HNRNPUL1: variants seen among roughly 807,000 people sequenced by gnomAD.
HNRNPUL1 encodes the protein heterogeneous nuclear ribonucleoprotein U like 1, also known as heterogeneous nuclear ribonucleoprotein U-like protein 1.
A neutral mutation model predicts 108.5 loss-of-function variants in HNRNPUL1; 14 were observed. The observed-to-expected ratio is 0.13, with a 90% confidence interval of 0.09 to 0.20. The LOEUF (loss-of-function observed/expected upper bound fraction) is 0.20. Among genes scored for constraint, HNRNPUL1 ranks in the 10% least tolerant of loss-of-function variants. HNRNPUL1 has a pLI of 1.00. For synonymous variants in HNRNPUL1, 422 were observed against 445.2 expected, an observed-to-expected ratio of 0.95 and a Z score of 0.66; for missense variants, 804 against 1,168.3, an observed-to-expected ratio of 0.69 and a Z score of 4.55.
intron 13 of HNRNPUL1, among the ~76,000 whole-genome samples, chr19:41,305,425 C>A (rs1026629375): frequency 2.0e-5 from 3 of 152,198 alleles, no homozygotes; most frequent in African/African-American, 7.2e-5. Flanking sequence ...GTGCCGTGTA[C>A]CTTGCTCCCT....
rs548910950 is a variant in HNRNPUL1 at position 41,306,617 on chromosome 19, G to A, written c.*52G>A. The A allele has an allele frequency of 4.1e-5, 48 of 1,161,090 alleles. No homozygotes were observed. In the East Asian group the frequency reaches 8.6e-4, roughly 21 times the overall value. The allele number at this position is 1,161,090 out of a possible 1,614,324, so 71.9% of individuals were successfully genotyped here. ...GCCCCTGCCGGCTTCCTCCACCAGC[G>A]CCTGCCTCGGCCCCTCCTCTGCCCC... On this transcript the variant is annotated 3_prime_UTR_variant, in exon 15 of 15. Coordinates refer to ENST00000392006, the MANE Select transcript of HNRNPUL1 (RefSeq NM_007040.6).
chr19:41,264,887 G>A, intron 1 of HNRNPUL1, 89 bp downstream of exon 1: 1 of 1,343,332 alleles, frequency 7.4e-7, no homozygotes, highest in Non-Finnish European at 9.5e-7. Context: ...CCTGAGGTCG[G>A]GGAGACGACC....
At chr19:41,282,916 G>C (rs958632777) in intron 7 of HNRNPUL1, among the ~76,000 whole-genome samples, 1 of 150,610 alleles carries the variant, frequency 6.6e-6, no homozygotes, top group African/African-American at 2.4e-5. Context: ...GGATGGTCTC[G>C]ATCTCCTGAC....
At chr19:41,303,323 G>T (rs1393163505) in intron 12 of HNRNPUL1, among the ~76,000 whole-genome samples, 1 of 151,624 alleles carries the variant, frequency 6.6e-6, no homozygotes, top group African/African-American at 2.4e-5. Context: ...CTCGTTCATG[G>T]CTGTCACCAG....
intron 10 of HNRNPUL1, among the ~76,000 whole-genome samples, chr19:41,298,221 T>C (rs778093975): frequency 2.0e-5 from 3 of 152,132 alleles, no homozygotes; most frequent in Admixed American, 1.3e-4. Context: ...CAGACTGTTA[T>C]ACACCAAAAC....
At chr19:41,299,691 G>A (rs1568456789) in intron 10 of HNRNPUL1, among the ~76,000 whole-genome samples, 1 of 152,088 alleles carries the variant, frequency 6.6e-6, no homozygotes, top group Non-Finnish European at 1.5e-5. Flanking sequence ...TTGGGGACTT[G>A]TCTGAGTCTC....
At chr19:41,264,099 T>C (rs1454992189), upstream of HNRNPUL1, among the ~76,000 whole-genome samples, 5 of 152,208 alleles carry the variant, frequency 3.3e-5, no homozygotes, top group African/African-American at 2.4e-5. Context: ...CTTATTTTCA[T>C]TGGACCTTAC....
chr19:41,273,585 C>T (rs1028764022), intron 3 of HNRNPUL1, among the ~76,000 whole-genome samples: 2 of 152,216 alleles, frequency 1.3e-5, no homozygotes, highest in African/African-American at 4.8e-5. Flanking sequence ...TATATAGGCT[C>T]TTGCACATTC....
At position 41,275,109 on chromosome 19, in the gene HNRNPUL1, G is replaced by A. The variant is rs142693569; in HGVS notation, c.647-1050G>A. On this transcript the variant is annotated intron_variant, in intron 4 of 14. Transcript: ENST00000392006. ...GTAGGAGAGTCCTAGGCCCATGAAA[G>A]GAATTAGGAGCCTATGGGGCACCTG... Among the ~76,000 whole-genome samples, 226 of 152,270 alleles carry A rather than the reference G, an allele frequency of 1.5e-3. 1 individual carries two copies. Among genetic ancestry groups the A allele is most frequent in the African/African-American group, 5.3e-3 (221 of 41,550 alleles).
At chr19:41,280,993 C>T (rs2035866928) in intron 6 of HNRNPUL1, 170 bp from the exon 7 acceptor site, 6 of 570,000 alleles carry the variant, frequency 1.1e-5, no homozygotes, top group South Asian at 1.0e-4. Flanking sequence ...AGTTCTACAT[C>T]ATTAAGGGCT....
At chr19:41,296,336 A>G (rs2036894221) in intron 10 of HNRNPUL1, among the ~76,000 whole-genome samples, 1 of 152,204 alleles carries the variant, frequency 6.6e-6, no homozygotes, top group South Asian at 2.1e-4. Flanking sequence ...TGGCTTGTTC[A>G]GGGACAGGGT....
chr19:41,289,721 T>TC (rs2036470400), intron 7 of HNRNPUL1, among the ~76,000 whole-genome samples: 1 of 149,866 alleles, frequency 6.7e-6, no homozygotes, highest in Non-Finnish European at 1.5e-5. Context: ...GTCTTTTTTT[T>TC]TTTTTTTTTT....
intron 7 of HNRNPUL1, among the ~76,000 whole-genome samples, chr19:41,288,349 G>A (rs113305393): frequency 0.054 from 8,240 of 151,946 alleles, 279 homozygotes; most frequent in South Asian, 0.099. Flanking sequence ...AGATTCAAGT[G>A]ATTCTTCTGC....
intron 10 of HNRNPUL1, among the ~76,000 whole-genome samples, chr19:41,300,075 G>A (rs886637169): frequency 6.6e-6 from 1 of 152,074 alleles, no homozygotes; most frequent in Non-Finnish European, 1.5e-5. Flanking sequence ...TGCACTGCCC[G>A]CTTCCTGTCA....
intron 10 of HNRNPUL1, among the ~76,000 whole-genome samples, chr19:41,296,978 G>A (rs2036929208): frequency 6.6e-6 from 1 of 152,218 alleles, no homozygotes; most frequent in Admixed American, 6.5e-5. Flanking sequence ...GCCTTTGTAA[G>A]CCAGGATTCT....
chr19:41,282,641 A>G lies in HNRNPUL1; in HGVS notation c.999+1366A>G, dbSNP rs114200461. On this transcript the variant is annotated intron_variant, in intron 7 of 14. Coordinates refer to ENST00000392006, the MANE Select transcript of HNRNPUL1 (RefSeq NM_007040.6). ...CACATAGAGAGTTAACTCTTCAACA[A>G]TGTGTTTGAATTGCACTGGTTCACT... 2.2e-3 allele frequency among the ~76,000 whole-genome samples: 330 copies of G among 151,250 alleles called. 2 individuals are homozygous for G. The highest frequency in any genetic ancestry group is 7.7e-3 in the African/African-American group (319 of 41,222).
Position 41,306,516 on chromosome 19 carries a change from A to T in HNRNPUL1, c.2522A>T (p.Asp841Val). Residue 841 changes from aspartate to valine, a missense_variant, in exon 15 of 15, where the codon GAC becomes GTC. Around this residue, in one of 4 missense-constraint regions of HNRNPUL1, gnomAD observed 294 missense variants for 388.3 expected, o/e 0.76. Coordinates refer to ENST00000392006, the MANE Select transcript of HNRNPUL1 (RefSeq NM_007040.6). The stretch of plus-strand genomic sequence containing the variant: ...TGGCCGCCATACTACGGGAACTACG[A>T]CTACGGGAGCTACTCCGGGAACACA... Reference protein sequence around the residue: ...GQWPPYYGNYDYGSYSGNTQG... With the variant: ...GQWPPYYGNYVYGSYSGNTQG... 1.2e-6 allele frequency: 2 copies of T among 1,606,618 alleles called. No individual in the cohort carries two copies. The highest frequency in any genetic ancestry group is 1.7e-5 in the Admixed American group (1 of 58,864).
In HNRNPUL1 at chr19:41,294,820, C is replaced by G. The variant is rs887460091; in HGVS notation, c.1518+134C>G. 5 of 1,022,978 alleles carry G rather than the reference C, an allele frequency of 4.9e-6. No homozygotes were observed. Among genetic ancestry groups the G allele is most frequent in the Admixed American group, 2.1e-5 (1 of 47,682 alleles). 63.4% of individuals were successfully genotyped at this position (1,022,978 alleles called of 1,614,324 possible). A position where few individuals can be genotyped will look rare whatever the true frequency, so the allele number is the denominator to read the frequency against. ...GCTGTGCTAGTCGGGGGGGTCAGACCTTGTCATACATGATGACATGGTACT... is the reference window on the plus strand; with the variant it reads ...GCTGTGCTAGTCGGGGGGGTCAGACGTTGTCATACATGATGACATGGTACT... On this transcript the variant is annotated intron_variant, in intron 10 of 14. Transcript: ENST00000392006. The surrounding 1 kb of genome is among the most constrained non-coding windows in gnomAD (Gnocchi z 4.3).
intron 1 of HNRNPUL1, 46 bp downstream of exon 1, chr19:41,264,844 G>C: frequency 7.4e-7 from 1 of 1,351,488 alleles, no homozygotes; most frequent in Non-Finnish European, 9.5e-7. Context: ...AGCCTGGGCC[G>C]AGGAAAGGGC....
Sources: gnomAD v4.1 joint callset for allele counts (sites outside exome capture counted in the v4.1 genomes callset) on GRCh38, gnomAD v4.1.1 for gene constraint, gnomAD v4.1.1 regional missense constraint, Gnocchi (gnomAD v3.1) non-coding constraint, MANE v1.5 for transcripts, NCBI Gene and HGNC (gene_info 2026-07-23, HGNC 2026-07-21) for gene names.